The following PDSS2 variants were observed in gnomAD, a reference collection of about 807,000 sequenced individuals.
The protein encoded by PDSS2 is decaprenyl diphosphate synthase subunit 2, also known as all trans-polyprenyl-diphosphate synthase PDSS2.
A neutral mutation model predicts 44.5 loss-of-function variants in PDSS2; 31 were observed. The observed-to-expected ratio is 0.70, with a 90% confidence interval of 0.52 to 0.94. The LOEUF is 0.94. Ranked by LOEUF, PDSS2 falls within the 40% of genes least tolerant of loss-of-function variation. PDSS2 has a pLI of 0.00. For synonymous variants in PDSS2, 157 were observed against 180.3 expected (o/e 0.87, Z 1.03); for missense variants, 452 against 482.2 (o/e 0.94, Z 0.59).
chr6:107,163,108 T>C (rs1771208049), intron 7 of PDSS2, among the ~76,000 whole-genome samples: 1 of 152,224 alleles, frequency 6.6e-6, no homozygotes, highest in Non-Finnish European at 1.5e-5. Context: ...CACTCCAGAA[T>C]GTTTTACATT....
At chr6:107,240,086 T>C (rs990885684) in intron 4 of PDSS2, among the ~76,000 whole-genome samples, 1 of 152,118 alleles carries the variant, frequency 6.6e-6, no homozygotes, top group Non-Finnish European at 1.5e-5. Flanking sequence ...ATAAAACAGC[T>C]TAACTGGGGA....
chr6:107,426,672 A>G (rs756552359), intron 1 of PDSS2, among the ~76,000 whole-genome samples: 1 of 152,208 alleles, frequency 6.6e-6, no homozygotes, highest in Non-Finnish European at 1.5e-5. Context: ...GAGCTGCCCA[A>G]GACCATGGGA....
intron 6 of PDSS2, among the ~76,000 whole-genome samples, chr6:107,208,791 C>T (rs1773099151): frequency 6.6e-6 from 1 of 151,980 alleles, no homozygotes; most frequent in Admixed American, 6.6e-5. Flanking sequence ...GAACTCCTGA[C>T]CTCAGGCGAT....
chr6:107,248,567 T>C (rs1054380869), intron 3 of PDSS2, among the ~76,000 whole-genome samples: 1 of 151,184 alleles, frequency 6.6e-6, no homozygotes, highest in African/African-American at 2.4e-5. Flanking sequence ...AGAATCTAGA[T>C]TCTATTCCAA....
chr6:107,389,829 AAAC>A (rs1277761252), intron 1 of PDSS2, among the ~76,000 whole-genome samples: 1 of 147,774 alleles, frequency 6.8e-6, no homozygotes, highest in Non-Finnish European at 1.5e-5. Context: ...AAAAACAAAC[AAAC>A]AAAAAAAACC....
At chr6:107,332,901 G>A (rs1166167050) in intron 2 of PDSS2, among the ~76,000 whole-genome samples, 1 of 152,160 alleles carries the variant, frequency 6.6e-6, no homozygotes, top group Non-Finnish European at 1.5e-5. Context: ...GTATTTGTAT[G>A]GATGAATGGT....
intron 6 of PDSS2, chr6:107,197,814 C>T (rs183295906): frequency 4.0e-5 from 19 of 470,950 alleles, no homozygotes; most frequent in Admixed American, 3.3e-4. Flanking sequence ...ATATTCTCAT[C>T]GTTCAGTGCT....
At chr6:107,384,353 T>C (rs1466115278) in intron 1 of PDSS2, among the ~76,000 whole-genome samples, 1 of 152,124 alleles carries the variant, frequency 6.6e-6, no homozygotes, top group Non-Finnish European at 1.5e-5. Flanking sequence ...TAAAACCCAC[T>C]AAACTGGCTG....
chr6:107,442,920 T>C (rs1031174865), intron 1 of PDSS2, among the ~76,000 whole-genome samples: 3 of 152,256 alleles, frequency 2.0e-5, no homozygotes, highest in Admixed American at 6.5e-5. Flanking sequence ...AATCATCTCG[T>C]TGAGACCTTT....
chr6:107,429,901 A>AAAAAATATATATATATAT (rs1166637352), intron 1 of PDSS2, among the ~76,000 whole-genome samples: 1 of 31,838 alleles, frequency 3.1e-5, no homozygotes, highest in South Asian at 2.6e-3. Flanking sequence ...AAAAAAAAAA[A>AAAAAATATATATATATAT]ATATATATAT....
At chr6:107,211,602 T>TC (rs2114631635) in intron 5 of PDSS2, among the ~76,000 whole-genome samples, 1 of 152,000 alleles carries the variant, frequency 6.6e-6, no homozygotes, top group Admixed American at 6.5e-5. Context: ...TGGTGGCATG[T>TC]GCCTGTAATC....
intron 2 of PDSS2, among the ~76,000 whole-genome samples, chr6:107,313,977 C>T (rs570449443): frequency 1.3e-5 from 2 of 152,084 alleles, no homozygotes; most frequent in East Asian, 1.9e-4. Flanking sequence ...ATAGCAAGAT[C>T]CTGTTCTGCG....
intron 2 of PDSS2, among the ~76,000 whole-genome samples, chr6:107,311,331 C>T (rs969409688): frequency 1.3e-5 from 2 of 151,622 alleles, no homozygotes; most frequent in East Asian, 1.9e-4. Context: ...CTCAGCCTCC[C>T]GAGTAGCTGG....
At chr6:107,280,171 T>C (rs1360484289) in intron 2 of PDSS2, among the ~76,000 whole-genome samples, 2 of 152,184 alleles carry the variant, frequency 1.3e-5, no homozygotes, top group Admixed American at 6.6e-5. Flanking sequence ...GCAATTCTCA[T>C]GCGTCAGCCT....
At chr6:107,365,740 C>T (rs1216609610) in intron 1 of PDSS2, among the ~76,000 whole-genome samples, 1 of 152,022 alleles carries the variant, frequency 6.6e-6, no homozygotes, top group Non-Finnish European at 1.5e-5. Flanking sequence ...TAATGTCAGA[C>T]TAAATAGACA....
chr6:107,299,747 A>G (rs772805481), intron 2 of PDSS2, among the ~76,000 whole-genome samples: 3 of 152,194 alleles, frequency 2.0e-5, no homozygotes, highest in Non-Finnish European at 2.9e-5. Context: ...CGCAACTGCT[A>G]TAACTCTGCC....
chr6:107,233,365 A>T (rs1442296590), intron 4 of PDSS2, among the ~76,000 whole-genome samples: 2 of 152,050 alleles, frequency 1.3e-5, no homozygotes, highest in Non-Finnish European at 1.5e-5. Flanking sequence ...TGTGTTCTTT[A>T]TTGCTTTGTT....
chr6:107,242,532 C>T (rs934721188), intron 4 of PDSS2, among the ~76,000 whole-genome samples: 1 of 151,776 alleles, frequency 6.6e-6, no homozygotes, highest in African/African-American at 2.4e-5. Flanking sequence ...GCGTGAGCCA[C>T]CACGCCTGGC....
chr6:107,380,087 G>A (rs1180490579), intron 1 of PDSS2, among the ~76,000 whole-genome samples: 4 of 152,088 alleles, frequency 2.6e-5, no homozygotes, highest in Non-Finnish European at 5.9e-5. Flanking sequence ...GAGTTGGCCT[G>A]TGTTTAAAGT....
Sources: allele counts gnomAD v4.1 joint callset (sites outside exome capture counted in the v4.1 genomes callset), GRCh38; gene constraint gnomAD v4.1.1; transcripts MANE v1.5; gene names NCBI Gene and HGNC (gene_info 2026-07-23, HGNC 2026-07-21).